Variants in SIL1 observed in about 807,000 individuals in gnomAD.
SIL1 encodes SIL1 nucleotide exchange factor.
SIL1 carries 40 observed loss-of-function variants against 49.1 expected under a neutral mutation model. The ratio of observed to expected loss-of-function variants is 0.81; its 90% confidence interval spans 0.63 to 1.06. The LOEUF (loss-of-function observed/expected upper bound fraction) is 1.06, where lower values mean the gene tolerates loss of function less well. Ranked by LOEUF, SIL1 falls within the 50% of genes least tolerant of loss-of-function variation. SIL1 has a pLI of 0.00. For synonymous variants in SIL1, 253 were observed against 250.8 expected (o/e 1.01, Z -0.08); for missense variants, 500 against 572.6 (o/e 0.87, Z 1.29).
chr5:139,089,450 T>C (rs1281746569), intron 3 of SIL1, among the ~76,000 whole-genome samples: 1 of 152,190 alleles, frequency 6.6e-6, no homozygotes, highest in Non-Finnish European at 1.5e-5. Context: ...CTTTACTTCT[T>C]ACCCACCCTC....
chr5:138,959,560 G>A (rs897702685), intron 7 of SIL1, among the ~76,000 whole-genome samples: 51 of 152,336 alleles, frequency 3.3e-4, no homozygotes, highest in African/African-American at 1.2e-3. Flanking sequence ...GTCCTGACAG[G>A]TCAGCCCTTC....
At chr5:139,076,630 T>C (rs546124120) in intron 3 of SIL1, among the ~76,000 whole-genome samples, 1 of 152,310 alleles carries the variant, frequency 6.6e-6, no homozygotes, top group African/African-American at 2.4e-5. Flanking sequence ...AATCTGATTA[T>C]TCCTAGGGCC....
At chr5:139,046,770 G>A (rs959395801) in intron 4 of SIL1, among the ~76,000 whole-genome samples, 1 of 152,190 alleles carries the variant, frequency 6.6e-6, no homozygotes, top group Non-Finnish European at 1.5e-5. Flanking sequence ...ATCTCAGTGA[G>A]GATACCAATC....
chr5:139,126,868 C>T (rs1386944988), intron 2 of SIL1, among the ~76,000 whole-genome samples: 1 of 152,194 alleles, frequency 6.6e-6, no homozygotes, highest in African/African-American at 2.4e-5. Flanking sequence ...GCTTCCAGCG[C>T]TTTATCCAAC....
chr5:139,031,355 C>T (rs113996686), intron 5 of SIL1, among the ~76,000 whole-genome samples: 1 of 152,144 alleles, frequency 6.6e-6, no homozygotes, highest in African/African-American at 2.4e-5. Context: ...TGGATGCCCA[C>T]TATTTGCTGA....
intron 7 of SIL1, among the ~76,000 whole-genome samples, chr5:138,954,289 G>A (rs1766851964): frequency 6.6e-6 from 1 of 152,264 alleles, no homozygotes; most frequent in South Asian, 2.1e-4. Context: ...ATAAATTCAT[G>A]TTTTCACCCA....
intron 7 of SIL1, among the ~76,000 whole-genome samples, chr5:138,975,410 A>C (rs1176699026): frequency 6.6e-6 from 1 of 152,174 alleles, no homozygotes; most frequent in Non-Finnish European, 1.5e-5. Flanking sequence ...GCATGGGGGA[A>C]GGGCATAGGC....
intron 3 of SIL1, among the ~76,000 whole-genome samples, chr5:139,071,430 C>T (rs1769832393): frequency 6.6e-6 from 1 of 152,046 alleles, no homozygotes; most frequent in Non-Finnish European, 1.5e-5. Flanking sequence ...CTGAAGTGCT[C>T]GGCAAAGTTC....
At chr5:139,124,275 CAAG>C (rs1221657046) in intron 2 of SIL1, among the ~76,000 whole-genome samples, 2 of 152,114 alleles carry the variant, frequency 1.3e-5, no homozygotes, top group Non-Finnish European at 2.9e-5. Flanking sequence ...AGAGTGGATT[CAAG>C]AAGGAGGGTT....
intron 3 of SIL1, among the ~76,000 whole-genome samples, chr5:139,087,047 G>C (rs1201725357): frequency 2.0e-5 from 3 of 151,852 alleles, no homozygotes; most frequent in South Asian, 4.2e-4. Context: ...TGCCCAGGCT[G>C]GACTCGAACT....
At position 138,947,541 on chromosome 5, in the gene SIL1, G is replaced by T; in HGVS notation, c.1030-68C>A. On this transcript the variant is annotated intron_variant, in intron 9 of 9. Coordinates refer to ENST00000394817, the MANE Select transcript of SIL1 (RefSeq NM_022464.5). The surrounding 1 kb of genome is among the most constrained non-coding windows in gnomAD (Gnocchi z 4.1). ...GGAGAGAACACACAGGGAGCAGTTAGCTCACACCTGGCTAGCTCTGCCCTT... is the reference window on the plus strand; with the variant it reads ...GGAGAGAACACACAGGGAGCAGTTATCTCACACCTGGCTAGCTCTGCCCTT... 7.2e-7 allele frequency: 1 copy of T among 1,396,412 alleles called. No individual in the cohort carries two copies. The highest frequency in any genetic ancestry group is 1.0e-6 in the Non-Finnish European group (1 of 983,172). The allele number at this position is 1,396,412 out of a possible 1,614,324, so 86.5% of individuals were successfully genotyped here. A position where few individuals can be genotyped will look rare whatever the true frequency, so the allele number is the denominator to read the frequency against.
In SIL1 at chr5:139,121,215, C is replaced by T. The variant is rs371539420; in HGVS notation, c.106-42G>A. ...CAGGGCATGACCCACTGCAACTAGG[C>T]GCCAGGTAAGCAGAAAAAAAATGGC... On this transcript the variant is annotated intron_variant, in intron 2 of 9. Coordinates refer to ENST00000394817, the MANE Select transcript of SIL1 (RefSeq NM_022464.5). 36 of 1,613,436 alleles carry T rather than the reference C, an allele frequency of 2.2e-5. No homozygotes were observed. The African/African-American group carries it at 2.4e-4, about 11-fold the overall frequency.
intron 1 of SIL1, among the ~76,000 whole-genome samples, chr5:139,160,625 G>GGTTA (rs1206369341): frequency 6.6e-6 from 1 of 152,186 alleles, no homozygotes; most frequent in Non-Finnish European, 1.5e-5. Flanking sequence ...GACCACCTGA[G>GGTTA]GTTAGGAGTT....
chr5:139,156,468 A>C (rs924188742), intron 1 of SIL1, among the ~76,000 whole-genome samples: 3 of 152,110 alleles, frequency 2.0e-5, no homozygotes, highest in African/African-American at 7.2e-5. Flanking sequence ...GCTGGGGCAG[A>C]AGGATCCCTT....
At chr5:139,045,552 C>T (rs141523445) in intron 4 of SIL1, among the ~76,000 whole-genome samples, 1 of 152,254 alleles carries the variant, frequency 6.6e-6, no homozygotes, top group East Asian at 1.9e-4. Context: ...AACCTATCTG[C>T]CAGTAATCTC....
chr5:139,059,275 G>C (rs1769530085), intron 3 of SIL1, among the ~76,000 whole-genome samples: 1 of 152,026 alleles, frequency 6.6e-6, no homozygotes, highest in Non-Finnish European at 1.5e-5. Flanking sequence ...CAGGAGATCT[G>C]ATGGTTTTAT....
rs147897662 is a variant in SIL1, at chr5:138,946,768, A to G, written c.*349T>C. ...AATGGCACTCCTGACAGATGAGGAA[A>G]CAAGCTCAGAGCAATTAAGCGACTT... On this transcript the variant is annotated 3_prime_UTR_variant, in exon 10 of 10. Coordinates refer to ENST00000394817, the MANE Select transcript of SIL1 (RefSeq NM_022464.5). 342 of 325,160 alleles carry G rather than the reference A, an allele frequency of 1.1e-3. No homozygotes were observed. The highest frequency in any genetic ancestry group is 6.7e-3 in the African/African-American group (316 of 47,516). 20.1% of individuals were successfully genotyped at this position (325,160 alleles called of 1,614,324 possible). A position where few individuals can be genotyped will look rare whatever the true frequency, so the allele number is the denominator to read the frequency against.
intron 7 of SIL1, among the ~76,000 whole-genome samples, chr5:138,984,930 C>T (rs1344814570): frequency 6.6e-6 from 1 of 152,208 alleles, no homozygotes; most frequent in Non-Finnish European, 1.5e-5. Context: ...AAAGGGGACA[C>T]CAGCAAAATA....
At chr5:139,144,796 G>A (rs1262634073) in intron 1 of SIL1, among the ~76,000 whole-genome samples, 3 of 152,068 alleles carry the variant, frequency 2.0e-5, no homozygotes, top group Admixed American at 6.6e-5. Context: ...ACTTGAACCC[G>A]GGAGGTGGAG....
Sources: gnomAD v4.1 joint callset for allele counts (sites outside exome capture counted in the v4.1 genomes callset) on GRCh38, gnomAD v4.1.1 for gene constraint, Gnocchi (gnomAD v3.1) non-coding constraint, MANE v1.5 for transcripts, NCBI Gene and HGNC (gene_info 2026-07-23, HGNC 2026-07-21) for gene names.